The following TSPAN9 variants were observed in gnomAD, a reference collection of about 807,000 sequenced individuals.
The protein encoded by TSPAN9 is tetraspanin 9.
TSPAN9 carries 16 observed loss-of-function variants against 31.0 expected under a neutral mutation model. The observed-to-expected ratio is 0.52, with a 90% CI of 0.35 to 0.78. The LOEUF (loss-of-function observed/expected upper bound fraction) is 0.78. Ranked by LOEUF, TSPAN9 falls within the 30% of genes least tolerant of loss-of-function variation. The pLI is 0.01. For missense variants in TSPAN9, 272 were observed against 312.5 expected (o/e 0.87, Z 0.98); for synonymous variants, 145 against 121.6 (o/e 1.19, Z -1.27).
At chr12:3,182,525 C>T (rs1464300641) in intron 2 of TSPAN9, among the ~76,000 whole-genome samples, 1 of 151,330 alleles carries the variant, frequency 6.6e-6, no homozygotes, top group Non-Finnish European at 1.5e-5. Context: ...TTCATTCATT[C>T]GTCTGCCCAT....
At chr12:3,154,780 C>T (rs943216026) in intron 2 of TSPAN9, among the ~76,000 whole-genome samples, 2 of 152,210 alleles carry the variant, frequency 1.3e-5, no homozygotes, top group African/African-American at 4.8e-5. Context: ...ATCTGCACTC[C>T]AGGCCTGAGC....
At chr12:3,235,220 ATATATATATATATATATATATAT>A (rs1489207810) in intron 3 of TSPAN9, among the ~76,000 whole-genome samples, 1 of 6,026 alleles carries the variant, frequency 1.7e-4, no homozygotes, top group Non-Finnish European at 2.6e-4. Context: ...AAAAAAAAAT[ATATATATATATATATATATATAT>A]ATATATATAT....
At chr12:3,179,969 GGC>G (rs1229664238) in intron 2 of TSPAN9, among the ~76,000 whole-genome samples, 3 of 152,104 alleles carry the variant, frequency 2.0e-5, no homozygotes, top group African/African-American at 7.2e-5. Flanking sequence ...AAAGCTTCCT[GGC>G]CAGGTGCAGC....
Position 3,150,794 on chromosome 12 carries a change from C to T in TSPAN9, c.-17-50383C>T, listed in dbSNP as rs1267556304. On this transcript the variant is annotated intron_variant, in intron 2 of 8. Coordinates refer to ENST00000011898, the MANE Select transcript of TSPAN9 (RefSeq NM_006675.5). ...TGCCCCTTCTTCACCCCACGCCTGGCCTGGCCTTGGGGAGCCCTCCCCTGT... is the reference window on the plus strand; with the variant it reads ...TGCCCCTTCTTCACCCCACGCCTGGTCTGGCCTTGGGGAGCCCTCCCCTGT... Among the ~76,000 whole-genome samples, 7 of 152,156 alleles carry T rather than the reference C, an allele frequency of 4.6e-5. No homozygotes were observed. The East Asian group carries it at 1.3e-3, about 29-fold the overall frequency.
At chr12:3,093,301 G>C (rs2098305885) in intron 2 of TSPAN9, among the ~76,000 whole-genome samples, 1 of 152,202 alleles carries the variant, frequency 6.6e-6, no homozygotes, top group Non-Finnish European at 1.5e-5. Context: ...TGGGGGCCAG[G>C]CGTGGGGGGC....
At chr12:3,183,581 A>G (rs1326147005) in intron 2 of TSPAN9, among the ~76,000 whole-genome samples, 4 of 152,170 alleles carry the variant, frequency 2.6e-5, no homozygotes, top group Non-Finnish European at 4.4e-5. Flanking sequence ...TCAGGGTTGA[A>G]CACAGTTCAG....
At chr12:3,178,095 G>A (rs1055010806) in intron 2 of TSPAN9, among the ~76,000 whole-genome samples, 2 of 152,050 alleles carry the variant, frequency 1.3e-5, no homozygotes, top group African/African-American at 4.8e-5. Flanking sequence ...GGGTAGTGCT[G>A]GCCTTTCCCC....
At chr12:3,163,482 C>T (rs1008163795) in intron 2 of TSPAN9, among the ~76,000 whole-genome samples, 2 of 152,186 alleles carry the variant, frequency 1.3e-5, no homozygotes, top group Non-Finnish European at 2.9e-5. Flanking sequence ...TCCTCCCTTC[C>T]ACCCCGCTAC....
In TSPAN9 at chr12:3,198,686, C is replaced by G. The variant is rs866638148; in HGVS notation, c.-17-2491C>G. The stretch of plus-strand genomic sequence containing the variant: ...CACCACCAGCACAGGCCACCACCAG[C>G]ACAGGTCACCACCAGCACAGGCCAC... On this transcript the variant is annotated intron_variant, in intron 2 of 8. Transcript: ENST00000011898. 2.9e-3 allele frequency among the ~76,000 whole-genome samples: 230 copies of G among 77,992 alleles called. 2 individuals are homozygous for G. The highest frequency in any genetic ancestry group is 4.9e-3 in the Non-Finnish European group (178 of 36,668). The allele number at this position is 77,992 out of a possible 152,430, so 51.2% of individuals were successfully genotyped here. A position where few individuals can be genotyped will look rare whatever the true frequency, so the allele number is the denominator to read the frequency against.
chr12:3,258,796 G>A (rs999438523), intron 3 of TSPAN9, among the ~76,000 whole-genome samples: 3 of 152,180 alleles, frequency 2.0e-5, no homozygotes, highest in African/African-American at 7.2e-5. Context: ...TTCCAGCAGA[G>A]ATTTATTGAA....
intron 3 of TSPAN9, among the ~76,000 whole-genome samples, chr12:3,216,178 G>A (rs2098381293): frequency 6.6e-6 from 1 of 152,206 alleles, no homozygotes; most frequent in South Asian, 2.1e-4. Context: ...TGGGAGCTGG[G>A]GAGTCTGTGC....
At chr12:3,190,379 C>T (rs756784170) in intron 2 of TSPAN9, among the ~76,000 whole-genome samples, 5 of 152,254 alleles carry the variant, frequency 3.3e-5, no homozygotes, top group African/African-American at 7.2e-5. Flanking sequence ...TCATCCTCCC[C>T]GCAGCCACCT....
chr12:3,203,338 C>T (rs150601220), intron 3 of TSPAN9, among the ~76,000 whole-genome samples: 1 of 152,328 alleles, frequency 6.6e-6, no homozygotes, highest in East Asian at 1.9e-4. Context: ...AAATCCACAA[C>T]ATGTTGTCAT....
intron 2 of TSPAN9, among the ~76,000 whole-genome samples, chr12:3,085,354 G>C (rs986361028): frequency 2.6e-5 from 4 of 151,858 alleles, no homozygotes; most frequent in African/African-American, 4.8e-5. Context: ...CAGGAGGCCT[G>C]TATGGCCTTG....
intron 2 of TSPAN9, among the ~76,000 whole-genome samples, chr12:3,119,116 G>T (rs186783483): frequency 6.6e-6 from 1 of 152,168 alleles, no homozygotes; most frequent in East Asian, 1.9e-4. Context: ...CCACAAATGG[G>T]TATTCTCCAA....
intron 3 of TSPAN9, among the ~76,000 whole-genome samples, chr12:3,245,555 C>T (rs986629588): frequency 4.6e-5 from 7 of 152,298 alleles, no homozygotes; most frequent in Admixed American, 2.0e-4. Context: ...GGGCCTGGGC[C>T]ACCTGTAAAC....
intron 3 of TSPAN9, among the ~76,000 whole-genome samples, chr12:3,277,641 A>G (rs1591721741): frequency 2.0e-5 from 3 of 152,308 alleles, no homozygotes. Context: ...ATAAAATAAG[A>G]CAGATGTGGA....
chr12:3,123,210 C>T (rs1356526845), intron 2 of TSPAN9, among the ~76,000 whole-genome samples: 1 of 152,220 alleles, frequency 6.6e-6, no homozygotes, highest in Non-Finnish European at 1.5e-5. Flanking sequence ...GTGGCGTCTG[C>T]ATCCCTCACC....
chr12:3,123,306 G>T (rs1591637789), intron 2 of TSPAN9, among the ~76,000 whole-genome samples: 1 of 152,204 alleles, frequency 6.6e-6, no homozygotes, highest in East Asian at 1.9e-4. Context: ...CCCTGTCCCA[G>T]TTGGATTGAT....
Sources: gnomAD v4.1 joint callset for allele counts (sites outside exome capture counted in the v4.1 genomes callset) on GRCh38, gnomAD v4.1.1 for gene constraint, MANE v1.5 for transcripts, NCBI Gene and HGNC (gene_info 2026-07-23, HGNC 2026-07-21) for gene names.